TUSC3: variants seen among roughly 807,000 people sequenced by gnomAD.
TUSC3 encodes tumor suppressor candidate 3.
TUSC3 carries 45 observed loss-of-function variants against 44.8 expected under a neutral mutation model. The ratio of observed to expected loss-of-function variants is 1.00; its 90% CI spans 0.79 to 1.29. TUSC3 has a LOEUF of 1.29. TUSC3 is among the 50% of genes most tolerant of loss of function. The pLI, the probability that TUSC3 is intolerant of heterozygous loss-of-function variation, is 0.00. For missense variants in TUSC3, 519 were observed against 437.9 expected (o/e 1.19, Z -1.65); for synonymous variants, 212 against 152.9 (o/e 1.39, Z -2.85).
At chr8:15,784,326 C>G in the TUSC3 span, among the ~76,000 whole-genome samples, 7 of 152,186 alleles carry the variant, frequency 4.6e-5, no homozygotes, top group Middle Eastern at 3.4e-3. Flanking sequence ...TCCAGCACTC[C>G]TACTTGTGAG....
rs1812310190 is a variant in TUSC3, at chr8:15,765,812, C to A, written c.*1656C>A. The A allele has an allele frequency of 6.6e-6, 1 of 151,990 alleles. No individual in the cohort carries two copies. Among genetic ancestry groups the A allele is most frequent in the East Asian group, 1.9e-4 (1 of 5,180 alleles). The allele number at this position is 151,990 out of a possible 1,614,324, so 9.4% of individuals were successfully genotyped here. On this transcript the variant is annotated 3_prime_UTR_variant, in exon 11 of 11. Coordinates refer to ENST00000503731, the MANE Select transcript of TUSC3 (RefSeq NM_006765.4). ...ACTAGGCAGAACTTGACCTGTAATT[C>A]TTAATCCATTGTAGATTTTTTACAT...
intron 1 of TUSC3, among the ~76,000 whole-genome samples, chr8:15,556,392 C>A (rs1407534773): frequency 1.3e-5 from 2 of 151,160 alleles, no homozygotes; most frequent in African/African-American, 2.4e-5. Context: ...TTTTCTTAAT[C>A]CAGTCTATCA....
chr8:15,457,920 AT>A (rs1402257350), intron 1 of TUSC3, among the ~76,000 whole-genome samples: 31 of 150,474 alleles, frequency 2.1e-4, no homozygotes, highest in African/African-American at 7.3e-4. Context: ...TTGAATAATA[AT>A]TAGTACTCCA....
chr8:15,764,415 C>G lies in TUSC3; in HGVS notation c.*259C>G. 1.8e-6 allele frequency: 1 copy of G among 550,290 alleles called. No individual in the cohort carries two copies. Among genetic ancestry groups the G allele is most frequent in the Non-Finnish European group, 3.3e-6 (1 of 305,086 alleles). The allele number at this position is 550,290 out of a possible 1,614,324, so 34.1% of individuals were successfully genotyped here. On this transcript the variant is annotated 3_prime_UTR_variant, in exon 11 of 11. Transcript: ENST00000503731. ...ATTTAGTAATCTACAAAGGAAATAT[C>G]AAAGTGTTTTTCAAGCCTGTTATAT...
chr8:15,426,027 A>G (rs189494688), intron 1 of TUSC3, among the ~76,000 whole-genome samples: 2 of 152,332 alleles, frequency 1.3e-5, no homozygotes, highest in African/African-American at 2.4e-5. Flanking sequence ...AAAAAATAAT[A>G]AAATGAAAAT....
At chr8:15,651,388 T>G (rs907795753) in intron 3 of TUSC3, among the ~76,000 whole-genome samples, 9 of 152,184 alleles carry the variant, frequency 5.9e-5, no homozygotes, top group African/African-American at 2.2e-4. Context: ...ACAAGTATTT[T>G]CTCTCTGTTT....
intron 2 of TUSC3, among the ~76,000 whole-genome samples, chr8:15,504,621 A>ATATATT (rs1345504233): frequency 9.9e-5 from 2 of 20,290 alleles, no homozygotes; most frequent in African/African-American, 2.0e-4. Flanking sequence ...ATATATATAT[A>ATATATT]TTTTTTTTTT....
chr8:15,700,484 T>C, intron 6 of TUSC3, among the ~76,000 whole-genome samples: 1 of 152,046 alleles, frequency 6.6e-6, no homozygotes, highest in East Asian at 1.9e-4. Context: ...AGGCTGGATA[T>C]TGTAGGAAAA....
chr8:15,470,660 A>C (rs773891237), intron 1 of TUSC3, among the ~76,000 whole-genome samples: 1 of 152,194 alleles, frequency 6.6e-6, no homozygotes, highest in Non-Finnish European at 1.5e-5. Flanking sequence ...AATTCCTTCC[A>C]TTCAAAGTCC....
the TUSC3 span, among the ~76,000 whole-genome samples, chr8:15,788,323 G>A: frequency 6.6e-6 from 1 of 152,096 alleles, no homozygotes; most frequent in African/African-American, 2.4e-5. Context: ...AAGGCAGGAG[G>A]ATCACTTAAG....
At chr8:15,551,686 TAAG>T (rs1802064905) in intron 1 of TUSC3, among the ~76,000 whole-genome samples, 1 of 151,752 alleles carries the variant, frequency 6.6e-6, no homozygotes, top group Non-Finnish European at 1.5e-5. Context: ...AGAAACAACT[TAAG>T]AAGTTATTTG....
At chr8:15,743,057 T>C (rs1199428634) in intron 7 of TUSC3, among the ~76,000 whole-genome samples, 2 of 152,206 alleles carry the variant, frequency 1.3e-5, no homozygotes, top group Admixed American at 6.5e-5. Flanking sequence ...GTTAATTGTA[T>C]AACCCCAGAT....
intron 1 of TUSC3, among the ~76,000 whole-genome samples, chr8:15,460,277 C>A (rs146541145): frequency 0.018 from 2,727 of 152,078 alleles, 86 homozygotes; most frequent in African/African-American, 0.062. Context: ...TTTGCAGTTC[C>A]CTGATTGTTA....
At chr8:15,523,690 G>GTATATATATATATATA (rs1327611283) in intron 2 of TUSC3, among the ~76,000 whole-genome samples, 568 of 50,714 alleles carry the variant, frequency 0.011, 10 homozygotes, top group Non-Finnish European at 0.016. Flanking sequence ...GTGTGTGTGT[G>GTATATATATATATATA]TGTGTGTGTG....
intron 7 of TUSC3, 95 bp downstream of exon 7, chr8:15,730,824 T>A: frequency 8.3e-7 from 1 of 1,197,758 alleles, no homozygotes; most frequent in Admixed American, 1.9e-5. Context: ...TCAAGACTTT[T>A]AAGAGACATT....
chr8:15,458,269 T>C (rs770683777), intron 1 of TUSC3, among the ~76,000 whole-genome samples: 4 of 152,156 alleles, frequency 2.6e-5, no homozygotes, highest in Non-Finnish European at 4.4e-5. Flanking sequence ...GACAAGGTCT[T>C]ACTCTGTGGC....
chr8:15,811,562 A>T, the TUSC3 span, among the ~76,000 whole-genome samples: 3 of 152,182 alleles, frequency 2.0e-5, no homozygotes, highest in African/African-American at 7.2e-5. Context: ...GCTGGATCCA[A>T]CCAGAACTGG....
intron 1 of TUSC3, among the ~76,000 whole-genome samples, chr8:15,425,248 C>T (rs1003812866): frequency 6.6e-6 from 1 of 152,182 alleles, no homozygotes; most frequent in African/African-American, 2.4e-5. Flanking sequence ...TGACAAAGCA[C>T]TATTCAGGGC....
intron 5 of TUSC3, among the ~76,000 whole-genome samples, chr8:15,668,164 A>G (rs1218353229): frequency 1.3e-5 from 2 of 151,802 alleles, no homozygotes; most frequent in African/African-American, 4.8e-5. Context: ...TGTGCCTGGC[A>G]TGTAGAAAGT....
Sources: allele counts gnomAD v4.1 joint callset (sites outside exome capture counted in the v4.1 genomes callset), GRCh38; gene constraint gnomAD v4.1.1; transcripts MANE v1.5; gene names NCBI Gene and HGNC (gene_info 2026-07-23, HGNC 2026-07-21).